ADAMTS6: variants seen among roughly 807,000 people sequenced by gnomAD.
ADAMTS6 encodes A disintegrin and metalloproteinase with thrombospondin motifs 6.
A neutral mutation model predicts 144.3 loss-of-function variants in ADAMTS6; 23 were observed. The observed-to-expected ratio is 0.16, with a 90% CI of 0.11 to 0.23. The LOEUF is 0.23. ADAMTS6 is among the 10% of genes least tolerant of loss of function. The probability of loss-of-function intolerance (pLI) is 1.00; values close to 1 mark genes in which losing one functional copy is unlikely to be tolerated. For missense variants in ADAMTS6, 999 were observed against 1,379.6 expected (o/e 0.72, Z 4.37); for synonymous variants, 444 against 457.5 (o/e 0.97, Z 0.38).
intron 7 of ADAMTS6, among the ~76,000 whole-genome samples, chr5:65,406,021 G>A (rs1754439991): frequency 6.6e-6 from 1 of 152,156 alleles, no homozygotes; most frequent in South Asian, 2.1e-4. Flanking sequence ...TGCTGAAGTT[G>A]CTTATTAGCT....
chr5:65,406,539 T>C (rs912239956), intron 7 of ADAMTS6, among the ~76,000 whole-genome samples: 6 of 152,136 alleles, frequency 3.9e-5, no homozygotes, highest in Non-Finnish European at 7.4e-5. Flanking sequence ...TGCTGCTGGA[T>C]TCCGTTTGCC....
At chr5:65,217,309 G>A (rs1757002552) in intron 18 of ADAMTS6, among the ~76,000 whole-genome samples, 1 of 151,274 alleles carries the variant, frequency 6.6e-6, no homozygotes, top group South Asian at 2.1e-4. Flanking sequence ...ATATGAAATA[G>A]TAAAAATAAA....
intron 7 of ADAMTS6, among the ~76,000 whole-genome samples, chr5:65,396,937 G>T (rs970509407): frequency 5.3e-5 from 8 of 152,156 alleles, no homozygotes; most frequent in Admixed American, 1.3e-4. Context: ...TAAATATTTT[G>T]CAGAATTCAC....
At chr5:65,210,624 TG>T in intron 20 of ADAMTS6, 1 of 605,800 alleles carries the variant, frequency 1.7e-6, no homozygotes, top group Non-Finnish European at 3.0e-6. Flanking sequence ...AAGCTATGGA[TG>T]GAGGCTTGTC....
intron 11 of ADAMTS6, among the ~76,000 whole-genome samples, chr5:65,279,777 C>A (rs1360398929): frequency 6.6e-6 from 1 of 152,164 alleles, no homozygotes; most frequent in Admixed American, 6.5e-5. Flanking sequence ...TTAAGTTAGA[C>A]CTTCTCATTT....
At chr5:65,405,940 CTG>C (rs1324908698) in intron 7 of ADAMTS6, among the ~76,000 whole-genome samples, 1 of 152,106 alleles carries the variant, frequency 6.6e-6, no homozygotes, top group African/African-American at 2.4e-5. Flanking sequence ...TGATTTGGCT[CTG>C]TGTTAGTCTG....
intron 9 of ADAMTS6, among the ~76,000 whole-genome samples, chr5:65,321,383 T>C (rs1368159355): frequency 1.3e-5 from 2 of 152,152 alleles, no homozygotes; most frequent in Admixed American, 1.3e-4. Context: ...CAATTTTTAA[T>C]GGGGATTTTT....
At chr5:65,323,156 T>G (rs909751780) in intron 9 of ADAMTS6, among the ~76,000 whole-genome samples, 3 of 152,148 alleles carry the variant, frequency 2.0e-5, no homozygotes, top group African/African-American at 7.2e-5. Context: ...AGGGTACATG[T>G]GCACAACATG....
intron 24 of ADAMTS6, among the ~76,000 whole-genome samples, chr5:65,162,297 A>T (rs2112007244): frequency 6.6e-6 from 1 of 152,322 alleles, no homozygotes; most frequent in East Asian, 1.9e-4. Flanking sequence ...TGTTTTAGGC[A>T]TGTCAAAAGG....
intron 4 of ADAMTS6, among the ~76,000 whole-genome samples, chr5:65,457,583 G>A (rs973525975): frequency 3.3e-5 from 5 of 152,050 alleles, no homozygotes; most frequent in Non-Finnish European, 5.9e-5. Flanking sequence ...AAAGGATTAA[G>A]AGATAAGCTT....
chr5:65,440,455 A>C (rs1248434727), intron 7 of ADAMTS6, among the ~76,000 whole-genome samples: 1 of 152,232 alleles, frequency 6.6e-6, no homozygotes, highest in African/African-American at 2.4e-5. Context: ...AAAACAAAGT[A>C]GAGCCCAGTG....
At chr5:65,229,188 G>C (rs1383853949) in intron 15 of ADAMTS6, among the ~76,000 whole-genome samples, 1 of 152,190 alleles carries the variant, frequency 6.6e-6, no homozygotes, top group African/African-American at 2.4e-5. Context: ...GTCCAGCTTT[G>C]TGGAATTCAG....
intron 7 of ADAMTS6, among the ~76,000 whole-genome samples, chr5:65,370,419 C>T (rs1750748730): frequency 6.6e-6 from 1 of 152,136 alleles, no homozygotes; most frequent in African/African-American, 2.4e-5. Flanking sequence ...TGGGTGCGCG[C>T]ACCATGCGTG....
chr5:65,439,274 A>G (rs544863788), intron 7 of ADAMTS6, among the ~76,000 whole-genome samples: 1 of 152,314 alleles, frequency 6.6e-6, no homozygotes, highest in East Asian at 1.9e-4. Flanking sequence ...TAAAATTTTC[A>G]TAAGAAAGTA....
intron 21 of ADAMTS6, among the ~76,000 whole-genome samples, chr5:65,193,863 A>G (rs1431227099): frequency 6.6e-6 from 1 of 152,196 alleles, no homozygotes; most frequent in Non-Finnish European, 1.5e-5. Flanking sequence ...AAACAATCAC[A>G]TATCTACTAA....
rs532575184 is a variant in ADAMTS6, at chr5:65,442,107, A to C, written c.1073+9368T>G. ...AAAACAGAAAAATGAAAAAAAAAAAACGAAACCAAATTTGAGAAGATTATT... is the reference window on the plus strand; with the variant it reads ...AAAACAGAAAAATGAAAAAAAAAAACCGAAACCAAATTTGAGAAGATTATT... On this transcript the variant is annotated intron_variant, in intron 7 of 24. Coordinates refer to ENST00000381055, the MANE Select transcript of ADAMTS6 (RefSeq NM_197941.4). Among the ~76,000 whole-genome samples, 46 of 151,894 alleles carry C rather than the reference A, an allele frequency of 3.0e-4. No homozygotes were observed. The South Asian group carries it at 8.3e-3, about 27-fold the overall frequency.
At position 65,151,950 on chromosome 5, in the gene ADAMTS6, C is replaced by T. The variant is rs17206779; in HGVS notation, c.3245-5G>A. On this transcript the variant is annotated splice_region_variant and splice_polypyrimidine_tract_variant and intron_variant, in intron 24 of 24. Coordinates refer to ENST00000381055, the MANE Select transcript of ADAMTS6 (RefSeq NM_197941.4). ...CTTTATTCACATCTTTGCACTCTAA[C>T]GAATGGGGGCAGAAAATGGAAAACA... 799,902 of 1,607,320 alleles carry T rather than the reference C, an allele frequency of 0.5. 204,239 individuals are homozygous for T. Among genetic ancestry groups the T allele is most frequent in the Admixed American group, 0.53 (31,612 of 59,946 alleles).
intron 9 of ADAMTS6, among the ~76,000 whole-genome samples, chr5:65,326,423 G>T (rs907923393): frequency 1.3e-5 from 2 of 152,154 alleles, no homozygotes; most frequent in Non-Finnish European, 2.9e-5. Flanking sequence ...CAAAAGGATG[G>T]AGAGGATGGA....
rs1426596335 is a variant in ADAMTS6 at position 65,230,975 on chromosome 5, C to CA, written c.1934-4757dup. ...AAGACAGCAAAGAAAAATAAAGGAA[C>CA]AAAAAAAGTCTACAAAACTGCCAAA... On this transcript the variant is annotated intron_variant, in intron 15 of 24. Transcript: ENST00000381055. Among the ~76,000 whole-genome samples, 4 of 148,504 alleles carry CA rather than the reference C, an allele frequency of 2.7e-5. No homozygotes were observed. The South Asian group carries it at 8.4e-4, about 31-fold the overall frequency.
Sources: allele counts gnomAD v4.1 joint callset (sites outside exome capture counted in the v4.1 genomes callset), GRCh38; gene constraint gnomAD v4.1.1; transcripts MANE v1.5; gene names NCBI Gene and HGNC (gene_info 2026-07-23, HGNC 2026-07-21).